The following MACROD2 variants were observed in gnomAD, a reference collection of about 807,000 sequenced individuals.
MACROD2 encodes mono-ADP ribosylhydrolase 2.
Under a neutral mutation model 70.4 loss-of-function variants are expected in MACROD2, and 36 were observed. That is an observed-to-expected ratio of 0.51 (90% CI 0.39 to 0.68). The LOEUF (loss-of-function observed/expected upper bound fraction) is 0.68, where lower values mean the gene tolerates loss of function less well. Among genes scored for constraint, MACROD2 ranks in the 30% least tolerant of loss-of-function variants. MACROD2 has a pLI of 0.00. For synonymous variants in MACROD2, 172 were observed against 178.8 expected (o/e 0.96, Z 0.30); for missense variants, 496 against 538.4 (o/e 0.92, Z 0.78).
intron 5 of MACROD2, among the ~76,000 whole-genome samples, chr20:15,115,040 C>A (rs1051439457): frequency 6.6e-6 from 1 of 152,244 alleles, no homozygotes; most frequent in East Asian, 1.9e-4. Flanking sequence ...TTTGCCAATT[C>A]CTATTCCCTA....
chr20:14,927,017 G>A (rs570979850), intron 5 of MACROD2, among the ~76,000 whole-genome samples: 2 of 152,068 alleles, frequency 1.3e-5, no homozygotes, highest in African/African-American at 4.8e-5. Flanking sequence ...TTGCATTATT[G>A]TGGGAGAAAA....
chr20:14,913,881 A>G (rs950700640), intron 5 of MACROD2, among the ~76,000 whole-genome samples: 6 of 149,180 alleles, frequency 4.0e-5, no homozygotes, highest in African/African-American at 1.5e-4. Flanking sequence ...TTAATGAACC[A>G]TCTTGGGGGA....
chr20:15,064,129 G>A (rs1335725496), intron 5 of MACROD2, among the ~76,000 whole-genome samples: 2 of 152,076 alleles, frequency 1.3e-5, no homozygotes, highest in South Asian at 2.1e-4. Flanking sequence ...TTTAGAGGGT[G>A]GGTGTATACA....
chr20:16,039,945 G>A (rs920234927), intron 15 of MACROD2, among the ~76,000 whole-genome samples: 25 of 151,676 alleles, frequency 1.6e-4, no homozygotes, highest in African/African-American at 6.1e-4. Context: ...TACTATGAAT[G>A]TTACCCTATC....
chr20:14,946,687 G>A (rs961000573), intron 5 of MACROD2, among the ~76,000 whole-genome samples: 1 of 152,090 alleles, frequency 6.6e-6, no homozygotes, highest in Non-Finnish European at 1.5e-5. Context: ...TTTCCTCCAG[G>A]TAAAAATAGA....
intron 2 of MACROD2, among the ~76,000 whole-genome samples, chr20:14,044,634 TAC>T (rs531280228): frequency 1.1e-3 from 167 of 152,276 alleles, no homozygotes; most frequent in African/African-American, 3.7e-3. Context: ...ATTAGCTAGA[TAC>T]AGAGTGTTGA....
intron 5 of MACROD2, among the ~76,000 whole-genome samples, chr20:14,708,863 C>G (rs2071303130): frequency 6.6e-6 from 1 of 152,116 alleles, no homozygotes; most frequent in Non-Finnish European, 1.5e-5. Context: ...CGTGATCCAC[C>G]CACCTCGGCC....
intron 9 of MACROD2, among the ~76,000 whole-genome samples, chr20:15,879,267 A>T (rs2064719115): frequency 6.6e-6 from 1 of 152,112 alleles, no homozygotes; most frequent in African/African-American, 2.4e-5. Flanking sequence ...ATGCTTCATC[A>T]GTCTCCTAAC....
chr20:14,990,671 TC>T (rs2074894981), intron 5 of MACROD2, among the ~76,000 whole-genome samples: 1 of 151,672 alleles, frequency 6.6e-6, no homozygotes, highest in African/African-American at 2.4e-5. Flanking sequence ...TCACCACCAC[TC>T]CCGGATAATT....
intron 4 of MACROD2, among the ~76,000 whole-genome samples, chr20:14,514,626 C>G (rs2085070562): frequency 6.6e-6 from 1 of 152,106 alleles, no homozygotes; most frequent in East Asian, 1.9e-4. Context: ...TTCACTAATA[C>G]AGGGAAGAAG....
chr20:14,600,340 A>ATATATT (rs1474515422), intron 4 of MACROD2, among the ~76,000 whole-genome samples: 1 of 145,182 alleles, frequency 6.9e-6, no homozygotes, highest in African/African-American at 2.7e-5. Flanking sequence ...ATATATATAT[A>ATATATT]TATACACACA....
At chr20:15,256,970 A>G (rs1480914072) in intron 6 of MACROD2, among the ~76,000 whole-genome samples, 1 of 152,038 alleles carries the variant, frequency 6.6e-6, no homozygotes, top group Non-Finnish European at 1.5e-5. Flanking sequence ...TAACTTAAAC[A>G]CACTAAAAAG....
chr20:14,215,991 C>G (rs1370901744), intron 3 of MACROD2, among the ~76,000 whole-genome samples: 1 of 152,048 alleles, frequency 6.6e-6, no homozygotes, highest in Non-Finnish European at 1.5e-5. Flanking sequence ...GTTCCTTTTG[C>G]TGTGCAAAAG....
intron 8 of MACROD2, among the ~76,000 whole-genome samples, chr20:15,618,140 GA>G (rs1351486808): frequency 4.2e-4 from 41 of 97,524 alleles, no homozygotes; most frequent in African/African-American, 1.6e-3. Flanking sequence ...TTCAAATACT[GA>G]AAAAGTCCTT....
At chr20:15,437,515 T>C (rs1307590251) in intron 7 of MACROD2, among the ~76,000 whole-genome samples, 2 of 152,164 alleles carry the variant, frequency 1.3e-5, no homozygotes, top group African/African-American at 4.8e-5. Context: ...AAAAGTTTTA[T>C]TTTAGGTTTG....
chr20:15,594,409 A>T (rs2048720052), intron 8 of MACROD2, among the ~76,000 whole-genome samples: 1 of 152,110 alleles, frequency 6.6e-6, no homozygotes, highest in African/African-American at 2.4e-5. Flanking sequence ...TGCAAACAAC[A>T]TTCTTGTGTA....
At chr20:14,940,285 G>C (rs1376330372) in intron 5 of MACROD2, among the ~76,000 whole-genome samples, 1 of 152,032 alleles carries the variant, frequency 6.6e-6, no homozygotes, top group Non-Finnish European at 1.5e-5. Context: ...AGCGAGAGGT[G>C]ATCGCACCAC....
intron 8 of MACROD2, among the ~76,000 whole-genome samples, chr20:15,649,391 T>C (rs1259372604): frequency 6.6e-6 from 1 of 151,902 alleles, no homozygotes; most frequent in Non-Finnish European, 1.5e-5. Context: ...AAGTTTAAAA[T>C]TTCAAGAGCG....
chr20:15,752,529 C>T (rs566895337), intron 8 of MACROD2, among the ~76,000 whole-genome samples: 1 of 152,120 alleles, frequency 6.6e-6, no homozygotes, highest in Non-Finnish European at 1.5e-5. Flanking sequence ...CAGAACCTGC[C>T]CACTCTTTGT....
Sources: allele counts gnomAD v4.1 joint callset (sites outside exome capture counted in the v4.1 genomes callset), GRCh38; gene constraint gnomAD v4.1.1; transcripts MANE v1.5; gene names NCBI Gene and HGNC (gene_info 2026-07-23, HGNC 2026-07-21).